SORL1: variants seen among roughly 807,000 people sequenced by gnomAD.
SORL1 encodes sortilin related receptor 1.
In SORL1, 127 loss-of-function variants were observed where a neutral mutation model predicts 273.7. The observed-to-expected ratio is 0.46, with a 90% CI of 0.40 to 0.54. The LOEUF is 0.54. SORL1 is among the 20% of genes least tolerant of loss of function. The probability of loss-of-function intolerance (pLI) is 0.00; values close to 1 mark genes in which losing one functional copy is unlikely to be tolerated. For synonymous variants in SORL1, 1,031 were observed against 1,067.4 expected, an observed-to-expected ratio of 0.97 and a Z score of 0.66; for missense variants, 2,494 against 2,846.1, an observed-to-expected ratio of 0.88 and a Z score of 2.81.
At chr11:121,542,657 A>T (rs191526097) in intron 12 of SORL1, among the ~76,000 whole-genome samples, 1 of 151,920 alleles carries the variant, frequency 6.6e-6, no homozygotes, top group Non-Finnish European at 1.5e-5. Flanking sequence ...TTGTAAGATT[A>T]TGTTTTGTAA....
At chr11:121,568,909 G>A (rs996122120) in intron 22 of SORL1, among the ~76,000 whole-genome samples, 4 of 152,168 alleles carry the variant, frequency 2.6e-5, no homozygotes, top group Admixed American at 1.3e-4. Flanking sequence ...CTGTAGACAC[G>A]TGTGCTTGGC....
intron 2 of SORL1, among the ~76,000 whole-genome samples, chr11:121,475,235 C>G (rs1861245812): frequency 6.6e-6 from 1 of 152,008 alleles, no homozygotes; most frequent in African/African-American, 2.4e-5. Flanking sequence ...CCACTGTGCT[C>G]CAGCCTGAGT....
chr11:121,586,148 C>A, intron 26 of SORL1, 74 bp from the exon 27 acceptor site: 1 of 1,211,474 alleles, frequency 8.3e-7, no homozygotes, highest in Non-Finnish European at 1.2e-6. Flanking sequence ...AGTGTGTACT[C>A]CCGCCAGCAC....
rs920671307 is a variant in SORL1, at chr11:121,469,804, G to A, written c.286-203G>A. ...CTACAATCTCTTTACATCCAAAATAGCAGGGGACTCATTTCTTTGTGGGGA... is the reference window on the plus strand; with the variant it reads ...CTACAATCTCTTTACATCCAAAATAACAGGGGACTCATTTCTTTGTGGGGA... On this transcript the variant is annotated intron_variant, in intron 1 of 47. Coordinates refer to ENST00000260197, the MANE Select transcript of SORL1 (RefSeq NM_003105.6). 3.3e-5 allele frequency among the ~76,000 whole-genome samples: 5 copies of A among 152,268 alleles called. No homozygotes were observed. The South Asian group carries it at 1.0e-3, about 32-fold the overall frequency.
chr11:121,557,446 GCTACA>G (rs749740398), intron 19 of SORL1, 41 bp downstream of exon 19: 28 of 1,373,258 alleles, frequency 2.0e-5, no homozygotes, highest in Admixed American at 1.7e-4. Flanking sequence ...TGCGTCCAAT[GCTACA>G]CTAATAGATT....
At chr11:121,514,048 T>A (rs1861916296) in intron 7 of SORL1, 104 bp from the exon 8 acceptor site, 1 of 1,303,538 alleles carries the variant, frequency 7.7e-7, no homozygotes, top group African/African-American at 1.5e-5. Context: ...TAGGCCAACA[T>A]TCATCGCTAG....
In SORL1 at chr11:121,506,464, G is replaced by A. The variant is rs1002380595; in HGVS notation, c.940-6539G>A. 9.2e-5 allele frequency among the ~76,000 whole-genome samples: 14 copies of A among 152,178 alleles called. 1 individual carries two copies. The highest frequency in any genetic ancestry group is 3.9e-4 in the Admixed American group (6 of 15,276). On this transcript the variant is annotated intron_variant, in intron 6 of 47. Coordinates refer to ENST00000260197, the MANE Select transcript of SORL1 (RefSeq NM_003105.6). ...ATGGCAGCAGGCAAAGAGAGCTCAT[G>A]CAGGGAAACTCCTCCTTTTTAAAAC...
At chr11:121,498,721 C>G (rs952147908) in intron 6 of SORL1, among the ~76,000 whole-genome samples, 5 of 151,972 alleles carry the variant, frequency 3.3e-5, no homozygotes, top group African/African-American at 1.2e-4. Flanking sequence ...ACTAAAAATA[C>G]AAAAATTAGT....
chr11:121,537,490 G>T (rs139943379), intron 12 of SORL1, among the ~76,000 whole-genome samples: 440 of 152,244 alleles, frequency 2.9e-3, no homozygotes, highest in African/African-American at 0.01. Context: ...AAAGGAGTAG[G>T]CTTGCAGGGC....
rs772877464 is a variant in SORL1, at chr11:121,583,453, T to TA, written c.3581-4dup. 1 of 1,610,236 alleles carries TA rather than the reference T, an allele frequency of 6.2e-7. No individual in the cohort carries two copies. The highest frequency in any genetic ancestry group is 1.1e-5 in the South Asian group (1 of 90,622). ...GTGCGACTGTGTCTCTCTTCTCTGT[T>TA]ACAGCCATCTATCACACCTGTGAGG... On this transcript the variant is annotated splice_polypyrimidine_tract_variant and splice_region_variant and intron_variant, in intron 25 of 47. Coordinates refer to ENST00000260197, the MANE Select transcript of SORL1 (RefSeq NM_003105.6).
At chr11:121,586,108 A>G (rs751379238) in intron 26 of SORL1, 114 bp from the exon 27 acceptor site, 1 of 770,188 alleles carries the variant, frequency 1.3e-6, no homozygotes, top group Non-Finnish European at 2.3e-6. Context: ...TGCTAGTTAC[A>G]GCCAAATTGC....
chr11:121,619,295 G>A (rs1297629556), intron 42 of SORL1, among the ~76,000 whole-genome samples: 1 of 152,200 alleles, frequency 6.6e-6, no homozygotes, highest in African/African-American at 2.4e-5. Flanking sequence ...GAGAGGACTG[G>A]TTAAACATAT....
At chr11:121,465,463 G>A (rs1204849689) in intron 1 of SORL1, among the ~76,000 whole-genome samples, 1 of 152,050 alleles carries the variant, frequency 6.6e-6, no homozygotes, top group South Asian at 2.1e-4. Flanking sequence ...CAGGAGGCAG[G>A]GGAATCAACT....
chr11:121,615,536 T>C (rs1414462640), intron 41 of SORL1, among the ~76,000 whole-genome samples: 1 of 152,202 alleles, frequency 6.6e-6, no homozygotes, highest in East Asian at 1.9e-4. Context: ...TCTGTTACTC[T>C]TACCTTCCTA....
At position 121,471,399 on chromosome 11, in the gene SORL1, T is replaced by C. The variant is rs540674682; in HGVS notation, c.402+1276T>C. Among the ~76,000 whole-genome samples the C allele has an allele frequency of 2.1e-3, 320 of 152,340 alleles. 1 individual carries two copies. The highest frequency in any genetic ancestry group is 7.4e-3 in the African/African-American group (309 of 41,568). On this transcript the variant is annotated intron_variant, in intron 2 of 47. Coordinates refer to ENST00000260197, the MANE Select transcript of SORL1 (RefSeq NM_003105.6). Reference sequence around the variant, plus strand: ...CACCGCGTGAGCCAGGTAAAACACATGTAAGGGCCAAAGCTCGCCCAACGG... The same window carrying C: ...CACCGCGTGAGCCAGGTAAAACACACGTAAGGGCCAAAGCTCGCCCAACGG...
chr11:121,491,673 A>G (rs900602948), intron 5 of SORL1, among the ~76,000 whole-genome samples: 1 of 152,188 alleles, frequency 6.6e-6, no homozygotes, highest in African/African-American at 2.4e-5. Context: ...CTTCACCTTC[A>G]GTATATATCT....
intron 12 of SORL1, among the ~76,000 whole-genome samples, chr11:121,538,459 A>G (rs1862298456): frequency 6.6e-6 from 1 of 152,058 alleles, no homozygotes; most frequent in Non-Finnish European, 1.5e-5. Flanking sequence ...CAGCATAATG[A>G]TTTTGAGATT....
At position 121,593,547 on chromosome 11, in the gene SORL1, A is replaced by T. The variant is rs77467935; in HGVS notation, c.4370-2076A>T. On this transcript the variant is annotated intron_variant, in intron 31 of 47. Transcript: ENST00000260197. ...CCAGGGACTTTCACTGCCTCCTTGG[A>T]ATTCTCTTTGCCTTTCTCCCAGTTT... is the stretch of plus-strand genomic sequence containing the variant. Among the ~76,000 whole-genome samples, 842 of 152,158 alleles carry T rather than the reference A, an allele frequency of 5.5e-3. 13 individuals are homozygous for T. The highest frequency in any genetic ancestry group is 0.019 in the African/African-American group (805 of 41,462).
chr11:121,615,118 A>C (rs1863621624), intron 41 of SORL1, 63 bp downstream of exon 41: 2 of 1,334,824 alleles, frequency 1.5e-6, no homozygotes, highest in African/African-American at 3.0e-5. Flanking sequence ...CTACGCCACC[A>C]CACAACTCCA....
Sources: allele counts gnomAD v4.1 joint callset (sites outside exome capture counted in the v4.1 genomes callset), GRCh38; gene constraint gnomAD v4.1.1; transcripts MANE v1.5; gene names NCBI Gene and HGNC (gene_info 2026-07-23, HGNC 2026-07-21).